PADI1: variants seen among roughly 807,000 people sequenced by gnomAD.
The protein encoded by PADI1 is peptidyl arginine deiminase 1.
In PADI1, 65 loss-of-function variants were observed where a neutral mutation model predicts 74.8. The ratio of observed to expected loss-of-function variants is 0.87; its 90% CI spans 0.71 to 1.07. The LOEUF (loss-of-function observed/expected upper bound fraction) is 1.07. Ranked by LOEUF, PADI1 falls within the 50% of genes least tolerant of loss-of-function variation. PADI1 has a pLI of 0.00. For synonymous variants in PADI1, 371 were observed against 336.2 expected, an observed-to-expected ratio of 1.10 and a Z score of -1.13; for missense variants, 943 against 854.0, an observed-to-expected ratio of 1.10 and a Z score of -1.30.
At chr1:17,226,819 G>A (rs1268823370) in intron 6 of PADI1, among the ~76,000 whole-genome samples, 1 of 152,090 alleles carries the variant, frequency 6.6e-6, no homozygotes, top group East Asian at 1.9e-4. Flanking sequence ...AGAGGCCGAG[G>A]AGGGTGGATC....
At position 17,240,849 on chromosome 1, in the gene PADI1, C is replaced by T. The variant is rs545942413; in HGVS notation, c.1758+89C>T. On this transcript the variant is annotated intron_variant, in intron 15 of 15. Transcript: ENST00000375471. The stretch of plus-strand genomic sequence containing the variant: ...GGCCCAGGGCAGGCTGGTGCAGAGG[C>T]TGGAGGGCCCTGCGGACCTCTCCAG... 2.1e-6 allele frequency: 3 copies of T among 1,430,668 alleles called. No individual in the cohort carries two copies. In the East Asian group the frequency reaches 7.0e-5, roughly 33 times the overall value. The allele number at this position is 1,430,668 out of a possible 1,614,324, so 88.6% of individuals were successfully genotyped here.
At chr1:17,238,745 C>G in intron 13 of PADI1, 36 bp downstream of exon 13, 6 of 1,158,770 alleles carry the variant, frequency 5.2e-6, no homozygotes, top group Non-Finnish European at 7.1e-6. Context: ...CTGGGGGACC[C>G]TGCCCTTTCA....
chr1:17,224,752 G>A (rs1425251890), intron 4 of PADI1, among the ~76,000 whole-genome samples: 1 of 152,002 alleles, frequency 6.6e-6, no homozygotes, highest in Non-Finnish European at 1.5e-5. Flanking sequence ...ATGTGGGAGT[G>A]CTTCCTAAAA....
intron 1 of PADI1, among the ~76,000 whole-genome samples, chr1:17,210,862 C>G (rs1435834192): frequency 6.6e-6 from 1 of 152,184 alleles, no homozygotes; most frequent in African/African-American, 2.4e-5. Flanking sequence ...TGTCTGGTGC[C>G]CACACCTCCC....
rs2072425406 is a variant in PADI1, at chr1:17,229,510, C to G, written c.929+459C>G. Among the ~76,000 whole-genome samples, 4 of 152,228 alleles carry G rather than the reference C, an allele frequency of 2.6e-5. No homozygotes were observed. The South Asian group carries it at 8.3e-4, about 32-fold the overall frequency. On this transcript the variant is annotated intron_variant, in intron 8 of 15. Coordinates refer to ENST00000375471, the MANE Select transcript of PADI1 (RefSeq NM_013358.3). ...GCCGTCTCTCAGAATCCTCATCATG[C>G]CCTTGAGGGAAGGATCAGCCTCGAT...
chr1:17,219,348 G>T (rs563437872), intron 1 of PADI1, among the ~76,000 whole-genome samples: 2 of 152,316 alleles, frequency 1.3e-5, no homozygotes, highest in East Asian at 3.9e-4. Context: ...CAAAGGTCAA[G>T]CGTCCCAGTG....
intron 11 of PADI1, among the ~76,000 whole-genome samples, chr1:17,234,824 C>T (rs909012344): frequency 1.3e-5 from 2 of 152,098 alleles, no homozygotes; most frequent in East Asian, 3.9e-4. Context: ...ATCCCACGTG[C>T]GTTGTCCTAG....
intron 11 of PADI1, among the ~76,000 whole-genome samples, chr1:17,236,521 G>A (rs979761559): frequency 2.6e-5 from 4 of 152,184 alleles, no homozygotes; most frequent in African/African-American, 7.2e-5. Context: ...GTGGGAGGCC[G>A]AGGTGGGGGG....
chr1:17,219,518 G>A (rs1380330697), intron 1 of PADI1, among the ~76,000 whole-genome samples: 1 of 152,128 alleles, frequency 6.6e-6, no homozygotes, highest in Non-Finnish European at 1.5e-5. Flanking sequence ...AGGCCAGGTG[G>A]AGGACAGGAG....
In PADI1 at chr1:17,232,806, G is replaced by A. The variant is rs371112764; in HGVS notation, c.1162-13G>A. On this transcript the variant is annotated splice_polypyrimidine_tract_variant and intron_variant, in intron 10 of 15. Transcript: ENST00000375471. ...TCCTTCTTGGGGTGGGGGTCTCGCT[G>A]GTTCTTCCATAGGGTCCTGACTTTG... is the stretch of plus-strand genomic sequence containing the variant. 1 of 1,604,550 alleles carries A rather than the reference G, an allele frequency of 6.2e-7. No homozygotes were observed. The highest frequency in any genetic ancestry group is 8.5e-7 in the Non-Finnish European group (1 of 1,173,480).
intron 11 of PADI1, among the ~76,000 whole-genome samples, chr1:17,233,634 TCCTGGTGGGTCCC>T (rs2072558244): frequency 6.6e-6 from 1 of 152,222 alleles, no homozygotes; most frequent in Admixed American, 6.5e-5. Flanking sequence ...CAGTTCAGGG[TCCTGGTGGGTCCC>T]CCTGTTTCCT....
At chr1:17,223,353 C>T (rs2072213333) in intron 2 of PADI1, 2 of 479,306 alleles carry the variant, frequency 4.2e-6, no homozygotes, top group Admixed American at 3.6e-5. Flanking sequence ...TGGGAGCTGC[C>T]CCACCTTTCC....
At chr1:17,227,530 CAAATAAATAAATAAATA>C (rs1329484963) in intron 6 of PADI1, among the ~76,000 whole-genome samples, 2 of 138,294 alleles carry the variant, frequency 1.4e-5, no homozygotes, top group Non-Finnish European at 3.1e-5. Context: ...GACCCTGTCT[CAAATAAATAAATAAATA>C]AATAAATAAA....
In PADI1 at chr1:17,244,097, G is replaced by A. The variant is rs1285143897; in HGVS notation, c.1846G>A (p.Val616Met). The A allele has an allele frequency of 1.9e-6, 3 of 1,614,242 alleles. No individual in the cohort carries two copies. The highest frequency in any genetic ancestry group is 1.1e-5 in the South Asian group (1 of 91,084). ...INGRCCLEEK[V>M]QSLLEPLGLH... is the part of the protein sequence containing the mutation. ...TGGCCGCTGCTGCCTGGAGGAGAAG[G>A]TGCAGTCCCTGCTGGAGCCTCTGGG... Residue 616 changes from valine to methionine, a missense_variant, in exon 16 of 16, where the codon GTG (valine) becomes ATG (methionine). By Grantham distance (21) the Val-to-Met change is conservative (BLOSUM62 1). Coordinates refer to ENST00000375471, the MANE Select transcript of PADI1 (RefSeq NM_013358.3).
At position 17,223,627 on chromosome 1, in the gene PADI1, G is replaced by T. The variant is rs766185297; in HGVS notation, c.280G>T (p.Val94Phe). 6.2e-6 allele frequency: 10 copies of T among 1,613,808 alleles called. No individual in the cohort carries two copies. Among genetic ancestry groups the T allele is most frequent in the East Asian group, 2.2e-5 (1 of 44,882 alleles). The change falls in exon 3 of 16, where the codon GTC (valine) becomes TTC (phenylalanine). Residue 94 changes from valine (V) to phenylalanine (F), a missense_variant. Transcript: ENST00000375471. ...SKELKDFKVR[V>F]SYFGEQEDQA... ...TTAGGGCTATGTTCTGCAGGTGAGG[G>T]TCTCCTACTTTGGGGAGCAGGAAGA...
chr1:17,210,752 A>T (rs1412329343), intron 1 of PADI1, among the ~76,000 whole-genome samples: 2 of 152,082 alleles, frequency 1.3e-5, no homozygotes, highest in African/African-American at 4.8e-5. Context: ...CCCTCCCTCA[A>T]CCTCCAGCAG....
chr1:17,229,237 G>A (rs1557471268), intron 8 of PADI1, among the ~76,000 whole-genome samples, 186 bp downstream of exon 8: 2 of 151,820 alleles, frequency 1.3e-5, no homozygotes, highest in African/African-American at 4.8e-5. Flanking sequence ...GACCCACCCT[G>A]CCCTGTGCAG....
chr1:17,239,831 G>A lies in PADI1; in HGVS notation c.1632+48G>A, dbSNP rs867799126. On this transcript the variant is annotated intron_variant, in intron 14 of 15. Transcript: ENST00000375471. ...GCTCTAAGGGGTCCTTTCCCTTCCA[G>A]GGAGAAGAAGCCCCAGGAACTGGGT... is the stretch of plus-strand genomic sequence containing the variant. 4.8e-6 allele frequency: 7 copies of A among 1,450,984 alleles called. No homozygotes were observed. The African/African-American group carries it at 8.4e-5, about 17-fold the overall frequency. The allele number at this position is 1,450,984 out of a possible 1,614,324, so 89.9% of individuals were successfully genotyped here.
At chr1:17,229,237 GC>G (rs895062363) in intron 8 of PADI1, among the ~76,000 whole-genome samples, 186 bp downstream of exon 8, 3 of 151,820 alleles carry the variant, frequency 2.0e-5, no homozygotes, top group African/African-American at 7.3e-5. Flanking sequence ...GACCCACCCT[GC>G]CCTGTGCAGC....
Sources: gnomAD v4.1 joint callset for allele counts (sites outside exome capture counted in the v4.1 genomes callset) on GRCh38, gnomAD v4.1.1 for gene constraint, MANE v1.5 for transcripts, NCBI Gene and HGNC (gene_info 2026-07-23, HGNC 2026-07-21) for gene names.